Variants in HDAC2 observed in about 807,000 individuals in gnomAD.
The protein encoded by HDAC2 is YY1-associated factor 1.
Under a neutral mutation model 68.5 loss-of-function variants are expected in HDAC2, and 5 were observed. The ratio of observed to expected loss-of-function variants is 0.07; its 90% CI spans 0.04 to 0.15. The LOEUF (loss-of-function observed/expected upper bound fraction) is 0.15. HDAC2 is among the 10% of genes least tolerant of loss of function. The probability of loss-of-function intolerance (pLI) is 1.00; values close to 1 mark genes in which losing one functional copy is unlikely to be tolerated. For synonymous variants in HDAC2, 182 were observed against 191.3 expected (o/e 0.95, Z 0.40); for missense variants, 291 against 600.8 (o/e 0.48, Z 5.39).
intron 6 of HDAC2, among the ~76,000 whole-genome samples, chr6:113,953,070 G>GA (rs1268120847): frequency 2.0e-5 from 3 of 152,094 alleles, no homozygotes; most frequent in Admixed American, 6.5e-5. Context: ...AAACAGCTGA[G>GA]AAAAAAACTG....
chr6:113,956,459 CAT>C (rs1020527710), intron 4 of HDAC2, 158 bp downstream of exon 4: 2 of 614,906 alleles, frequency 3.3e-6, no homozygotes, highest in Non-Finnish European at 2.9e-6. Context: ...AATCATAAAA[CAT>C]AGAGGTTTGA....
chr6:113,968,986 C>T (rs538652613), intron 1 of HDAC2, among the ~76,000 whole-genome samples: 25 of 152,302 alleles, frequency 1.6e-4, no homozygotes, highest in African/African-American at 5.8e-4. Flanking sequence ...ACCACTTTCC[C>T]TAACCAAAAT....
chr6:113,958,440 A>C (rs1384113524), intron 3 of HDAC2: 1 of 417,288 alleles, frequency 2.4e-6, no homozygotes, highest in Non-Finnish European at 4.2e-6. Context: ...AAGAATACCC[A>C]AACAGCAGTT....
chr6:113,945,315 C>T, intron 10 of HDAC2, 47 bp downstream of exon 10: 2 of 919,850 alleles, frequency 2.2e-6, no homozygotes, highest in Non-Finnish European at 3.5e-6. Context: ...CATACTAAAT[C>T]TTTGTCAAGA....
At chr6:113,941,615 G>C in intron 13 of HDAC2, 93 bp downstream of exon 13, 1 of 492,250 alleles carries the variant, frequency 2.0e-6, no homozygotes, top group Non-Finnish European at 3.6e-6. Flanking sequence ...GTTCAGTCTA[G>C]TATTTCTGAA....
intron 1 of HDAC2, among the ~76,000 whole-genome samples, chr6:113,967,788 T>C (rs1283562224): frequency 1.3e-5 from 2 of 152,210 alleles, no homozygotes; most frequent in African/African-American, 4.8e-5. Context: ...GAAGGGATCT[T>C]AGTGACTATC....
At chr6:113,944,834 A>G (rs1296187594) in intron 10 of HDAC2, among the ~76,000 whole-genome samples, 3 of 152,168 alleles carry the variant, frequency 2.0e-5, no homozygotes, top group African/African-American at 2.4e-5. Context: ...ATGATGAGAA[A>G]ACATAAGCAC....
Position 113,970,495 on chromosome 6 carries a change from T to C in HDAC2, c.52+362A>G, listed in dbSNP as rs1264215897. On this transcript the variant is annotated intron_variant, in intron 1 of 13. Coordinates refer to ENST00000519065, the MANE Select transcript of HDAC2 (RefSeq NM_001527.4). ...CACCCCAAACCTGCGTTGCCACGAA[T>C]GGTGGGCGGGAGAAGGGAGAGAATG... The C allele has an allele frequency of 2.2e-5, 25 of 1,131,012 alleles. 1 individual carries two copies. In the Admixed American group the frequency reaches 1.2e-3, roughly 52 times the overall value. The allele number at this position is 1,131,012 out of a possible 1,614,324, so 70.1% of individuals were successfully genotyped here.
At chr6:113,943,227 C>A in intron 12 of HDAC2, 124 bp downstream of exon 12, 1 of 655,386 alleles carries the variant, frequency 1.5e-6, no homozygotes, top group Non-Finnish European at 2.6e-6. Context: ...AAAAAAGAGT[C>A]ACCTACCTAG....
In HDAC2 at chr6:113,971,118, G is replaced by C; in HGVS notation, c.-210C>G. On this transcript the variant is annotated 5_prime_UTR_variant, in exon 1 of 14. Transcript: ENST00000519065. ...GAGGTGCCGAAAGCTCGGAATCGGAGGTGGCAGCGGCACCAACTCGCGAGG... is the reference window on the plus strand; with the variant it reads ...GAGGTGCCGAAAGCTCGGAATCGGACGTGGCAGCGGCACCAACTCGCGAGG... 1 of 1,545,012 alleles carries C rather than the reference G, an allele frequency of 6.5e-7. No individual in the cohort carries two copies. The highest frequency in any genetic ancestry group is 8.7e-7 in the Non-Finnish European group (1 of 1,143,804).
intron 13 of HDAC2, 76 bp from the exon 14 acceptor site, chr6:113,941,164 A>G: frequency 1.9e-6 from 2 of 1,028,382 alleles, no homozygotes; most frequent in East Asian, 2.4e-5. Flanking sequence ...TATATTGATC[A>G]GGTCCTGTAG....
At chr6:113,962,963 CAAAA>C (rs796684838) in intron 1 of HDAC2, among the ~76,000 whole-genome samples, 9 of 62,618 alleles carry the variant, frequency 1.4e-4, no homozygotes, top group African/African-American at 1.2e-4. Context: ...GACTCTGTAT[CAAAA>C]AAAAAAAAAA....
intron 4 of HDAC2, 49 bp from the exon 5 acceptor site, chr6:113,956,200 G>A (rs764870469): frequency 6.7e-7 from 1 of 1,487,188 alleles, no homozygotes; most frequent in African/African-American, 1.4e-5. Flanking sequence ...TCATAAAAAA[G>A]TAGTAGAATG....
intron 6 of HDAC2, among the ~76,000 whole-genome samples, chr6:113,951,533 T>C (rs1336586923): frequency 2.0e-5 from 3 of 150,464 alleles, no homozygotes; most frequent in Non-Finnish European, 4.4e-5. Flanking sequence ...AGTGGAGCGA[T>C]CTCGGCTCAC....
intron 3 of HDAC2, 92 bp from the exon 4 acceptor site, chr6:113,956,785 G>T: frequency 2.3e-6 from 2 of 877,240 alleles, no homozygotes; most frequent in South Asian, 1.4e-5. Flanking sequence ...ATACTTTTTT[G>T]CTTGATGCAA....
chr6:113,941,202 T>C, intron 13 of HDAC2, 114 bp from the exon 14 acceptor site: 1 of 699,906 alleles, frequency 1.4e-6, no homozygotes, highest in Middle Eastern at 2.6e-4. Flanking sequence ...CATTAATTGA[T>C]AATGTCTTAA....
intron 5 of HDAC2, 114 bp downstream of exon 5, chr6:113,955,899 T>A (rs1005513416): frequency 4.3e-6 from 3 of 697,768 alleles, no homozygotes; most frequent in Non-Finnish European, 6.6e-6. Flanking sequence ...AATTCACCAT[T>A]AACTATTTCA....
chr6:113,945,921 G>T, intron 9 of HDAC2, 87 bp downstream of exon 9: 1 of 1,027,668 alleles, frequency 9.7e-7, no homozygotes, highest in Non-Finnish European at 1.5e-6. Flanking sequence ...CTTATGATGG[G>T]TTTATCAGGA....
intron 1 of HDAC2, 173 bp downstream of exon 1, chr6:113,970,684 C>G (rs1776974774): frequency 7.4e-7 from 1 of 1,356,820 alleles, no homozygotes; most frequent in South Asian, 1.8e-5. Context: ...GGGGGCTGCG[C>G]CAGGAAGAGG....
Sources: allele counts gnomAD v4.1 joint callset (sites outside exome capture counted in the v4.1 genomes callset), GRCh38; gene constraint gnomAD v4.1.1; transcripts MANE v1.5; gene names NCBI Gene and HGNC (gene_info 2026-07-23, HGNC 2026-07-21).